The following RGPD8 variants were observed in gnomAD, a reference collection of about 807,000 sequenced individuals.
RGPD8 encodes RANBP2-like and GRIP domain-containing protein 8.
A neutral mutation model predicts 89.1 loss-of-function variants in RGPD8; 15 were observed. The observed-to-expected ratio is 0.17, with a 90% CI of 0.11 to 0.26. RGPD8 has a LOEUF of 0.26. Ranked by LOEUF, RGPD8 falls within the 10% of genes least tolerant of loss-of-function variation. The probability of loss-of-function intolerance (pLI) is 1.00; values close to 1 mark genes in which losing one functional copy is unlikely to be tolerated. For missense variants in RGPD8, 178 were observed against 1,179.6 expected (o/e 0.15, Z 12.44); for synonymous variants, 62 against 420.9 (o/e 0.15, Z 10.44).
intron 1 of RGPD8, among the ~76,000 whole-genome samples, chr2:112,430,137 G>A (rs1264912637): frequency 6.6e-6 from 1 of 152,158 alleles, no homozygotes; most frequent in Non-Finnish European, 1.5e-5. Flanking sequence ...ACAAATGAAA[G>A]CACAATGGAA....
intron 1 of RGPD8, among the ~76,000 whole-genome samples, chr2:112,426,669 C>G (rs1319105402): frequency 6.6e-6 from 1 of 150,996 alleles, no homozygotes; most frequent in Non-Finnish European, 1.5e-5. Context: ...GCTTAAATTA[C>G]AAAACCTTGC....
At chr2:112,403,721 G>A (rs1574005219) in intron 9 of RGPD8, among the ~76,000 whole-genome samples, 2 of 35,918 alleles carry the variant, frequency 5.6e-5, no homozygotes, top group South Asian at 1.5e-3. Context: ...AGGTTACAGT[G>A]AGCCGAGATC....
At chr2:112,433,301 ATCGAGGCCGCCGCCGGGCCGGG>A (rs900393516) in intron 1 of RGPD8, 59 bp downstream of exon 1, 61 of 1,466,174 alleles carry the variant, frequency 4.2e-5, no homozygotes, top group Middle Eastern at 4.9e-4. Context: ...CCCCTGACCC[ATCGAGGCCGCCGCCGGGCCGGG>A]TCGAGGCCGC....
In RGPD8 at chr2:112,387,666, TATC is replaced by T. The variant is rs1338662845; in HGVS notation, c.4921+355_4921+357del. ...AGTGAGCCACCGTGCCCAGCCTCAATATCATGTTTTCTGAGTGACAAAAGAAAC... is the reference window on the plus strand; with the variant it reads ...AGTGAGCCACCGTGCCCAGCCTCAATATGTTTTCTGAGTGACAAAAGAAAC... On this transcript the variant is annotated intron_variant, in intron 20 of 22. Coordinates refer to ENST00000302558, the MANE Select transcript of RGPD8 (RefSeq NM_001164463.1). Among the ~76,000 whole-genome samples, 4 of 137,196 alleles carry T rather than the reference TATC, an allele frequency of 2.9e-5. No individual in the cohort carries two copies. In the East Asian group the frequency reaches 8.1e-4, roughly 28 times the overall value. The allele number at this position is 137,196 out of a possible 152,430, so 90.0% of individuals were successfully genotyped here.
intron 2 of RGPD8, among the ~76,000 whole-genome samples, chr2:112,423,592 T>G (rs1383046015): frequency 7.3e-6 from 1 of 136,112 alleles, no homozygotes; most frequent in Admixed American, 7.5e-5. Flanking sequence ...TATCCCCAGC[T>G]ACTTGGGGCG....
At chr2:112,416,056 C>A (rs1265472248) in intron 6 of RGPD8, among the ~76,000 whole-genome samples, 1 of 147,482 alleles carries the variant, frequency 6.8e-6, no homozygotes, top group African/African-American at 2.5e-5. Context: ...TGCCACTGCA[C>A]TCCAGCCTGG....
chr2:112,374,905 T>A (rs1468421106), intron 22 of RGPD8, among the ~76,000 whole-genome samples: 9 of 143,316 alleles, frequency 6.3e-5, no homozygotes, highest in Admixed American at 2.1e-4. Context: ...TCTTGTTGCT[T>A]GGGCTGGAGT....
At chr2:112,415,062 A>G (rs1014249930) in intron 6 of RGPD8, among the ~76,000 whole-genome samples, 1 of 146,084 alleles carries the variant, frequency 6.8e-6, no homozygotes, top group Non-Finnish European at 1.5e-5. Context: ...ACATGATGAA[A>G]CCCTGTTTCT....
At chr2:112,429,138 G>A (rs1173621939) in intron 1 of RGPD8, among the ~76,000 whole-genome samples, 1 of 151,668 alleles carries the variant, frequency 6.6e-6, no homozygotes, top group African/African-American at 2.4e-5. Flanking sequence ...GTCTAAAATG[G>A]GGCCGGGCGC....
chr2:112,431,946 C>T (rs1680061300), intron 1 of RGPD8, among the ~76,000 whole-genome samples: 3 of 152,216 alleles, frequency 2.0e-5, no homozygotes, highest in African/African-American at 7.2e-5. Flanking sequence ...GGCCAATATC[C>T]TTTTAACATC....
chr2:112,426,295 T>G lies in RGPD8; in HGVS notation c.73-1988A>C, dbSNP rs557849777. 1.6e-3 allele frequency among the ~76,000 whole-genome samples: 237 copies of G among 152,270 alleles called. 1 individual carries two copies. The highest frequency in any genetic ancestry group is 1.6e-3 in the Non-Finnish European group (109 of 68,026). On this transcript the variant is annotated intron_variant, in intron 1 of 22. Coordinates refer to ENST00000302558, the MANE Select transcript of RGPD8 (RefSeq NM_001164463.1). ...CCAACAACTGATCTGATAACTGAGG[T>G]GGCTAGTATGTAACTAGCGGGTGGG...
intron 7 of RGPD8, among the ~76,000 whole-genome samples, chr2:112,408,828 T>G (rs1679051516): frequency 6.6e-6 from 1 of 151,882 alleles, no homozygotes; most frequent in Non-Finnish European, 1.5e-5. Flanking sequence ...CCCGCCACCA[T>G]GCGTGGCTAA....
At chr2:112,370,359 G>GGGGGGTCT (rs1249646916) in intron 22 of RGPD8, 147 bp from the exon 23 acceptor site, 1 of 100,744 alleles carries the variant, frequency 9.9e-6, no homozygotes, top group Non-Finnish European at 1.7e-5. Context: ...GGGGGGGGGG[G>GGGGGGTCT]TTCTTTTTTT....
At chr2:112,370,637 T>C (rs1652744311) in intron 22 of RGPD8, among the ~76,000 whole-genome samples, 1 of 138,566 alleles carries the variant, frequency 7.2e-6, no homozygotes, top group South Asian at 2.5e-4. Flanking sequence ...CCTCACAGTG[T>C]TGGGATTGCA....
chr2:112,428,232 C>T (rs1468439968), intron 1 of RGPD8, among the ~76,000 whole-genome samples: 5 of 151,964 alleles, frequency 3.3e-5, no homozygotes, highest in Non-Finnish European at 5.9e-5. Context: ...AAAGACATAC[C>T]ATTAGTTTCT....
intron 7 of RGPD8, among the ~76,000 whole-genome samples, chr2:112,408,700 C>G (rs1242679107): frequency 1.3e-5 from 2 of 151,388 alleles, no homozygotes; most frequent in African/African-American, 2.4e-5. Context: ...GATGGAGTCT[C>G]GCTCTGTCGC....
intron 1 of RGPD8, among the ~76,000 whole-genome samples, chr2:112,425,681 C>T (rs981896670): frequency 6.6e-6 from 1 of 151,464 alleles, no homozygotes; most frequent in African/African-American, 2.4e-5. Flanking sequence ...ATCACTTGAA[C>T]CCGGGAGGCA....
chr2:112,411,014 G>A (rs1480811339), intron 7 of RGPD8, among the ~76,000 whole-genome samples: 3 of 152,028 alleles, frequency 2.0e-5, no homozygotes, highest in Non-Finnish European at 2.9e-5. Context: ...GAACCCGGGA[G>A]GCAGAGGTTG....
At chr2:112,410,880 G>T (rs557614001) in intron 7 of RGPD8, among the ~76,000 whole-genome samples, 2 of 152,408 alleles carry the variant, frequency 1.3e-5, no homozygotes, top group South Asian at 4.1e-4. Context: ...GAGTTCAGGA[G>T]CTCAAGACCA....
Sources: allele counts gnomAD v4.1 joint callset (sites outside exome capture counted in the v4.1 genomes callset), GRCh38; gene constraint gnomAD v4.1.1; transcripts MANE v1.5; gene names NCBI Gene and HGNC (gene_info 2026-07-23, HGNC 2026-07-21).